Variants in CDON observed in about 807,000 individuals in gnomAD.
The protein encoded by CDON is cell adhesion associated, oncogene regulated.
A neutral mutation model predicts 120.9 loss-of-function variants in CDON; 73 were observed. The ratio of observed to expected loss-of-function variants is 0.60; its 90% confidence interval spans 0.50 to 0.73. The LOEUF is 0.73. Ranked by LOEUF, CDON falls within the 30% of genes least tolerant of loss-of-function variation. CDON has a pLI of 0.00. For missense variants in CDON, 1,470 were observed against 1,587.3 expected (o/e 0.93, Z 1.26); for synonymous variants, 566 against 573.5 (o/e 0.99, Z 0.19).
intron 15 of CDON, among the ~76,000 whole-genome samples, chr11:125,986,378 T>A (rs935753262): frequency 1.3e-5 from 2 of 152,160 alleles, no homozygotes; most frequent in Non-Finnish European, 2.9e-5. Context: ...CATGTATATG[T>A]ATGTAACAAA....
chr11:125,972,906 G>GGTA lies in CDON; in HGVS notation c.3356+5397_3356+5398insTAC, dbSNP rs1555115155. On this transcript the variant is annotated intron_variant, in intron 18 of 19. Coordinates refer to ENST00000531738, the MANE Select transcript of CDON (RefSeq NM_001378964.1). The stretch of plus-strand genomic sequence containing the variant: ...ACAACTCTCCAGAAGTATACTGTGG[G>GGTA]GCAGCTCCTCTTCATCTCCTGCAGT... 5.6e-3 allele frequency among the ~76,000 whole-genome samples: 855 copies of GGTA among 151,698 alleles called. 5 individuals are homozygous for GGTA. The highest frequency in any genetic ancestry group is 0.018 in the African/African-American group (751 of 41,328).
At chr11:125,992,893 T>C (rs1379683168) in intron 14 of CDON, among the ~76,000 whole-genome samples, 1 of 152,204 alleles carries the variant, frequency 6.6e-6, no homozygotes, top group Non-Finnish European at 1.5e-5. Context: ...ATCAGAATCT[T>C]GGAGTGCAAA....
At chr11:125,987,021 A>C (rs1946487184) in intron 15 of CDON, among the ~76,000 whole-genome samples, 1 of 152,234 alleles carries the variant, frequency 6.6e-6, no homozygotes, top group African/African-American at 2.4e-5. Flanking sequence ...AGAAAACAAA[A>C]GAGTTTCTGA....
chr11:125,979,745 TC>T (rs146357923), intron 17 of CDON, among the ~76,000 whole-genome samples: 6,773 of 152,278 alleles, frequency 0.044, 257 homozygotes, highest in Admixed American at 0.12. Flanking sequence ...GCTCTCTCCT[TC>T]AGTTTTCTTG....
At chr11:126,033,590 A>G (rs1195646353) in intron 1 of CDON, among the ~76,000 whole-genome samples, 1 of 152,212 alleles carries the variant, frequency 6.6e-6, no homozygotes, top group Non-Finnish European at 1.5e-5. Flanking sequence ...GAGTTTCTTA[A>G]TGTGATTTAA....
At chr11:125,996,005 C>G (rs1946770771) in intron 12 of CDON, among the ~76,000 whole-genome samples, 1 of 152,212 alleles carries the variant, frequency 6.6e-6, no homozygotes, top group African/African-American at 2.4e-5. Context: ...GAGGGTTCCT[C>G]TGCTGAAACA....
chr11:126,001,032 A>C (rs904332249), intron 11 of CDON, among the ~76,000 whole-genome samples: 31 of 152,206 alleles, frequency 2.0e-4, no homozygotes, highest in African/African-American at 7.5e-4. Context: ...ATATAGCAAA[A>C]AATAAAAATA....
intron 1 of CDON, among the ~76,000 whole-genome samples, chr11:126,055,111 C>CA (rs1440680262): frequency 6.6e-6 from 1 of 152,118 alleles, no homozygotes; most frequent in African/African-American, 2.4e-5. Flanking sequence ...ATTACTCAGG[C>CA]AAAATGTAAG....
chr11:126,060,768 A>T (rs575733357), intron 1 of CDON, among the ~76,000 whole-genome samples: 295 of 152,370 alleles, frequency 1.9e-3, no homozygotes, highest in Non-Finnish European at 3.7e-3. Flanking sequence ...CTTCAGCTGT[A>T]TATACCCTGA....
intron 1 of CDON, among the ~76,000 whole-genome samples, chr11:126,038,092 A>G (rs1007404294): frequency 1.3e-5 from 2 of 152,214 alleles, no homozygotes; most frequent in Non-Finnish European, 2.9e-5. Flanking sequence ...TTCAGTCAAA[A>G]AAATCAAAAA....
Position 126,010,396 on chromosome 11 carries a change from G to A in CDON, c.1497C>T (p.Ile499=). ...AVTQEHAGKY[I]CEAANEHGTT... is the part of the protein sequence containing the mutation. ...TACCATGTTCATTTGCAGCTTCGCAGATGTATTTCCCCGCATGTTCCTGAG... is the reference window on the plus strand; with the variant it reads ...TACCATGTTCATTTGCAGCTTCGCAAATGTATTTCCCCGCATGTTCCTGAG... The change falls in exon 8 of 20, where the codon ATC becomes ATT. Residue 499 remains isoleucine, a synonymous_variant. Transcript: ENST00000531738. 1 of 1,614,060 alleles carries A rather than the reference G, an allele frequency of 6.2e-7. No homozygotes were observed.
At chr11:125,998,640 C>T (rs1277231321) in intron 11 of CDON, among the ~76,000 whole-genome samples, 1 of 152,218 alleles carries the variant, frequency 6.6e-6, no homozygotes, top group African/African-American at 2.4e-5. Context: ...GCTAACACAA[C>T]AAGCAATCTT....
intron 18 of CDON, among the ~76,000 whole-genome samples, chr11:125,970,236 G>A (rs993701013): frequency 3.4e-5 from 5 of 147,302 alleles, no homozygotes; most frequent in South Asian, 2.2e-4. Flanking sequence ...GTGCAGTGGC[G>A]CGATCTCGAC....
chr11:125,987,494 T>C (rs892953269), intron 15 of CDON, among the ~76,000 whole-genome samples: 14 of 152,210 alleles, frequency 9.2e-5, no homozygotes, highest in Admixed American at 5.2e-4. Flanking sequence ...CTGGGAATTA[T>C]GTAATATGTA....
Position 126,025,887 on chromosome 11 carries a change from T to A in CDON, c.-61-2350A>T, listed in dbSNP as rs1469312784. Among the ~76,000 whole-genome samples, 8 of 152,268 alleles carry A rather than the reference T, an allele frequency of 5.3e-5. No homozygotes were observed. The South Asian group carries it at 1.0e-3, about 20-fold the overall frequency. ...AAAAGATAAATAAAACTAGTAAAAC[T>A]AACAATGTCCATGCCATTCTCCAGA... is the stretch of plus-strand genomic sequence containing the variant. On this transcript the variant is annotated intron_variant, in intron 1 of 19. Coordinates refer to ENST00000531738, the MANE Select transcript of CDON (RefSeq NM_001378964.1).
intron 3 of CDON, among the ~76,000 whole-genome samples, chr11:126,020,884 G>A: frequency 6.6e-6 from 1 of 152,022 alleles, no homozygotes; most frequent in Non-Finnish European, 1.5e-5. Flanking sequence ...GTAGACAACA[G>A]CTTTTGTTGT....
chr11:126,031,472 A>G (rs1404071380), intron 1 of CDON, among the ~76,000 whole-genome samples: 3 of 152,230 alleles, frequency 2.0e-5, no homozygotes, highest in African/African-American at 7.2e-5. Context: ...ACCAATTTAT[A>G]TAATACCACA....
At chr11:125,976,628 C>A (rs956474976) in intron 18 of CDON, among the ~76,000 whole-genome samples, 1 of 151,594 alleles carries the variant, frequency 6.6e-6, no homozygotes, top group African/African-American at 2.4e-5. Flanking sequence ...AACACACACA[C>A]ACACACACAC....
intron 11 of CDON, 118 bp from the exon 12 acceptor site, chr11:125,997,528 T>C: frequency 1.3e-6 from 1 of 793,676 alleles, no homozygotes; most frequent in Non-Finnish European, 2.2e-6. Flanking sequence ...CCAAACTTTT[T>C]GCCAGAGTTT....
Sources: allele counts gnomAD v4.1 joint callset (sites outside exome capture counted in the v4.1 genomes callset), GRCh38; gene constraint gnomAD v4.1.1; transcripts MANE v1.5; gene names NCBI Gene and HGNC (gene_info 2026-07-23, HGNC 2026-07-21).